FRMD4B: variants seen among roughly 807,000 people sequenced by gnomAD.
FRMD4B encodes the protein FERM domain-containing protein 4B.
A neutral mutation model predicts 141.5 loss-of-function variants in FRMD4B; 74 were observed. The observed-to-expected ratio is 0.52, with a 90% CI of 0.43 to 0.63. The LOEUF is 0.63. FRMD4B is among the 30% of genes least tolerant of loss of function. FRMD4B has a pLI of 0.00. For missense variants in FRMD4B, 1,366 were observed against 1,253.4 expected (o/e 1.09, Z -1.36); for synonymous variants, 506 against 467.9 (o/e 1.08, Z -1.05).
intron 1 of FRMD4B, among the ~76,000 whole-genome samples, chr3:69,435,556 G>A (rs1255496051): frequency 6.6e-6 from 1 of 152,156 alleles, no homozygotes; most frequent in Non-Finnish European, 1.5e-5. Flanking sequence ...CAACTGCAGA[G>A]TTGAATAGTT....
chr3:69,239,796 C>T (rs1479266654), intron 7 of FRMD4B, among the ~76,000 whole-genome samples: 1 of 152,074 alleles, frequency 6.6e-6, no homozygotes, highest in Non-Finnish European at 1.5e-5. Context: ...GTGGCTCACG[C>T]CTGTAATCCC....
intron 7 of FRMD4B, among the ~76,000 whole-genome samples, chr3:69,231,445 G>A (rs1351962987): frequency 9.2e-5 from 14 of 152,082 alleles, no homozygotes; most frequent in African/African-American, 2.9e-4. Context: ...GTGCTACCAC[G>A]CCCAGCTAAT....
intron 2 of FRMD4B, among the ~76,000 whole-genome samples, chr3:69,424,638 T>C (rs922319636): frequency 6.6e-6 from 1 of 152,142 alleles, no homozygotes; most frequent in African/African-American, 2.4e-5. Flanking sequence ...GAAATAAATA[T>C]TAAACAAATG....
At chr3:69,351,015 A>C (rs34397489) in intron 1 of FRMD4B, among the ~76,000 whole-genome samples, 25,374 of 151,930 alleles carry the variant, frequency 0.17, 2,921 homozygotes, top group African/African-American at 0.32. Context: ...GAGAAAATAA[A>C]CCAATACAAG....
intron 7 of FRMD4B, among the ~76,000 whole-genome samples, chr3:69,243,164 C>T (rs11914413): frequency 0.035 from 5,280 of 152,210 alleles, 326 homozygotes; most frequent in African/African-American, 0.12. Context: ...CTTGGAAATT[C>T]AGACTGTCAT....
chr3:69,539,538 G>T (rs1222776892), intron 1 of FRMD4B, among the ~76,000 whole-genome samples: 6 of 152,154 alleles, frequency 3.9e-5, no homozygotes, highest in Non-Finnish European at 8.8e-5. Context: ...AGGAAAACAG[G>T]ATCGTGATCA....
intron 11 of FRMD4B, chr3:69,200,675 C>T (rs1355496521): frequency 8.0e-7 from 1 of 1,254,626 alleles, no homozygotes; most frequent in African/African-American, 1.5e-5. Flanking sequence ...GCAGATTTTC[C>T]CAGAAAAGAG....
intron 1 of FRMD4B, chr3:69,353,697 T>G (rs533884186): frequency 1.0e-6 from 1 of 985,132 alleles, no homozygotes; most frequent in African/African-American, 1.7e-5. Flanking sequence ...TACAAGCCAG[T>G]GGAAGTAGGA....
chr3:69,367,446 C>T (rs577324201), intron 1 of FRMD4B, among the ~76,000 whole-genome samples: 1 of 152,262 alleles, frequency 6.6e-6, no homozygotes, highest in South Asian at 2.1e-4. Flanking sequence ...TAACAATACA[C>T]ATACATACAT....
chr3:69,385,265 T>C (rs1704220911), intron 1 of FRMD4B, among the ~76,000 whole-genome samples: 1 of 152,106 alleles, frequency 6.6e-6, no homozygotes, highest in South Asian at 2.1e-4. Context: ...TTCCCCAGCC[T>C]GTCATCCTCC....
rs761084144 is a variant in FRMD4B at position 69,189,895 on chromosome 3, C to T, written c.1771+1G>A. The T allele has an allele frequency of 1.8e-5, 28 of 1,574,094 alleles. No homozygotes were observed. Among genetic ancestry groups the T allele is most frequent in the South Asian group, 5.6e-5 (5 of 89,540 alleles). On this transcript the variant is annotated splice_donor_variant, in intron 18 of 22. Transcript: ENST00000398540. LOFTEE classifies it high-confidence loss of function. ...AAACCAAAAAAGGAAGAGCCACTTA[C>T]GATCATCATAGGTGGTGGTGTCAGA...
At chr3:69,294,179 T>C in intron 4 of FRMD4B, among the ~76,000 whole-genome samples, 1 of 152,190 alleles carries the variant, frequency 6.6e-6, no homozygotes, top group African/African-American at 2.4e-5. Context: ...GAGGGCTAAA[T>C]CAAAACACCT....
chr3:69,353,547 C>G, intron 1 of FRMD4B: 1 of 983,958 alleles, frequency 1.0e-6, no homozygotes, highest in Non-Finnish European at 1.2e-6. Context: ...TTCTTACCTC[C>G]GAACCACCAT....
chr3:69,452,847 T>C (rs551209881), intron 1 of FRMD4B, among the ~76,000 whole-genome samples: 1 of 152,324 alleles, frequency 6.6e-6, no homozygotes, highest in South Asian at 2.1e-4. Flanking sequence ...TGCAGCCACA[T>C]TAATAAAAGT....
At chr3:69,538,008 CT>C (rs1437884188) in intron 1 of FRMD4B, among the ~76,000 whole-genome samples, 1 of 152,240 alleles carries the variant, frequency 6.6e-6, no homozygotes, top group African/African-American at 2.4e-5. Flanking sequence ...CACAGATTTC[CT>C]CCAGCCGTGC....
At chr3:69,256,114 G>A (rs762835637) in intron 5 of FRMD4B, among the ~76,000 whole-genome samples, 1 of 151,374 alleles carries the variant, frequency 6.6e-6, no homozygotes. Context: ...ATAAAAGGTT[G>A]GGGGGGAGGG....
intron 11 of FRMD4B, among the ~76,000 whole-genome samples, chr3:69,214,856 CAT>C (rs150249736): frequency 1.4e-4 from 21 of 145,456 alleles, no homozygotes; most frequent in Admixed American, 2.8e-4. Context: ...AGCGAGACTC[CAT>C]CTCAAAAAAT....
intron 1 of FRMD4B, among the ~76,000 whole-genome samples, chr3:69,466,595 T>C (rs1705790916): frequency 6.6e-6 from 1 of 152,222 alleles, no homozygotes; most frequent in South Asian, 2.1e-4. Flanking sequence ...TGTTGAAACC[T>C]GCATGCTGGA....
At chr3:69,389,887 A>G (rs1704342522), upstream of FRMD4B, among the ~76,000 whole-genome samples, 1 of 150,318 alleles carries the variant, frequency 6.7e-6, no homozygotes, top group South Asian at 2.1e-4. Context: ...TAGCTTCAAC[A>G]TTGTCTTGCT....
Sources: gnomAD v4.1 joint callset for allele counts (sites outside exome capture counted in the v4.1 genomes callset) on GRCh38, gnomAD v4.1.1 for gene constraint, MANE v1.5 for transcripts, NCBI Gene and HGNC (gene_info 2026-07-23, HGNC 2026-07-21) for gene names.